Variants in BTBD9 observed in about 807,000 individuals in gnomAD.
BTBD9 encodes BTB/POZ domain-containing protein 9.
In BTBD9, 49 loss-of-function variants were observed where a neutral mutation model predicts 64.3. The observed-to-expected ratio is 0.76, with a 90% CI of 0.61 to 0.97. The LOEUF is 0.97. Among genes scored for constraint, BTBD9 ranks in the 50% least tolerant of loss-of-function variants. The pLI, the probability that BTBD9 is intolerant of heterozygous loss-of-function variation, is 0.00. For synonymous variants in BTBD9, 260 were observed against 274.7 expected, an observed-to-expected ratio of 0.95 and a Z score of 0.53; for missense variants, 598 against 762.1, an observed-to-expected ratio of 0.78 and a Z score of 2.53.
intron 1 of BTBD9, among the ~76,000 whole-genome samples, chr6:38,617,424 C>G (rs923098560): frequency 6.6e-6 from 1 of 152,192 alleles, no homozygotes; most frequent in Non-Finnish European, 1.5e-5. Context: ...CTTCTCAAAA[C>G]CACTCCCTGT....
chr6:38,576,143 G>T (rs1057279668), intron 6 of BTBD9, among the ~76,000 whole-genome samples: 1 of 152,056 alleles, frequency 6.6e-6, no homozygotes, highest in Non-Finnish European at 1.5e-5. Context: ...CATATCAGAC[G>T]CTTTGTTATG....
intron 4 of BTBD9, among the ~76,000 whole-genome samples, chr6:38,587,160 G>A (rs1377842697): frequency 6.6e-6 from 1 of 152,154 alleles, no homozygotes; most frequent in Non-Finnish European, 1.5e-5. Context: ...CAGTGGCCAT[G>A]GAGGGCAACC....
chr6:38,455,214 C>A (rs1402451289), intron 6 of BTBD9, among the ~76,000 whole-genome samples: 1 of 152,180 alleles, frequency 6.6e-6, no homozygotes, highest in African/African-American at 2.4e-5. Context: ...CATGTACTTA[C>A]CACCACAACA....
At chr6:38,197,302 G>A (rs1044705827) in intron 9 of BTBD9, among the ~76,000 whole-genome samples, 14 of 152,232 alleles carry the variant, frequency 9.2e-5, no homozygotes, top group African/African-American at 3.4e-4. Flanking sequence ...TCCTAGAGCT[G>A]TCAGGATAGA....
intron 8 of BTBD9, among the ~76,000 whole-genome samples, chr6:38,284,700 T>C (rs1036040241): frequency 6.6e-6 from 1 of 152,156 alleles, no homozygotes; most frequent in African/African-American, 2.4e-5. Context: ...ATAATACAAA[T>C]GCTCTGATAG....
intron 9 of BTBD9, among the ~76,000 whole-genome samples, chr6:38,251,891 C>CA (rs534067503): frequency 0.021 from 1,539 of 72,994 alleles, 19 homozygotes; most frequent in East Asian, 0.079. Flanking sequence ...GACTCTGTCT[C>CA]AAAAAAAAAA....
At chr6:38,530,848 G>A (rs1037307082) in intron 6 of BTBD9, among the ~76,000 whole-genome samples, 1 of 152,140 alleles carries the variant, frequency 6.6e-6, no homozygotes, top group African/African-American at 2.4e-5. Flanking sequence ...ACTGAAGAAT[G>A]CATCAGAGTC....
chr6:38,254,228 C>T (rs139211014), intron 9 of BTBD9, among the ~76,000 whole-genome samples: 2 of 151,806 alleles, frequency 1.3e-5, no homozygotes, highest in African/African-American at 2.4e-5. Flanking sequence ...AACACACACA[C>T]TGACTGTCCC....
intron 7 of BTBD9, among the ~76,000 whole-genome samples, chr6:38,307,082 T>C (rs1762652877): frequency 6.6e-6 from 1 of 152,208 alleles, no homozygotes. Flanking sequence ...CACAGACCTA[T>C]CACTTCTTTT....
At position 38,366,892 on chromosome 6, in the gene BTBD9, G is replaced by A. The variant is rs529064673; in HGVS notation, c.1155-21799C>T. Among the ~76,000 whole-genome samples, 18 of 152,254 alleles carry A rather than the reference G, an allele frequency of 1.2e-4. No individual in the cohort carries two copies. In the East Asian group the frequency reaches 1.7e-3, roughly 15 times the overall value. On this transcript the variant is annotated intron_variant, in intron 6 of 10. Transcript: ENST00000481247. ...GTTGCTATTGCAATTTCGCTGCATC[G>A]GTCTTTGGTTAGGTAAGGTAAGCAC...
rs1764621436 is a variant in BTBD9, at chr6:38,353,956, T to C, written c.1155-8863A>G. ...GACTAGGGTGGGCATATGCCGTTAA[T>C]TGTAACTTAAAAGTTTAAGGTTTGG... is the stretch of plus-strand genomic sequence containing the variant. On this transcript the variant is annotated intron_variant, in intron 6 of 10. Transcript: ENST00000481247. 2.0e-5 allele frequency among the ~76,000 whole-genome samples: 3 copies of C among 152,346 alleles called. No homozygotes were observed. The South Asian group carries it at 6.2e-4, about 32-fold the overall frequency.
chr6:38,419,967 G>A (rs1767832231), intron 6 of BTBD9, among the ~76,000 whole-genome samples: 1 of 151,946 alleles, frequency 6.6e-6, no homozygotes, highest in African/African-American at 2.4e-5. Flanking sequence ...GTAACAACAA[G>A]GGAATATAAA....
chr6:38,565,117 A>C (rs9366969), intron 6 of BTBD9, among the ~76,000 whole-genome samples: 9,873 of 152,126 alleles, frequency 0.065, 779 homozygotes, highest in East Asian at 0.24. Flanking sequence ...TCAATCATAA[A>C]GTTTGACTGG....
intron 10 of BTBD9, chr6:38,179,736 C>T (rs1437745954): frequency 2.8e-5 from 13 of 456,648 alleles, no homozygotes; most frequent in Non-Finnish European, 5.3e-5. Flanking sequence ...ATCAACATAC[C>T]TGCCTCACAC....
intron 10 of BTBD9, 119 bp downstream of exon 10, chr6:38,192,400 A>G: frequency 1.2e-6 from 1 of 865,678 alleles, no homozygotes; most frequent in South Asian, 1.6e-5. Context: ...CTCCACACCA[A>G]GCTGTCTGAA....
chr6:38,450,274 G>A (rs989136430), intron 6 of BTBD9, among the ~76,000 whole-genome samples: 2 of 152,202 alleles, frequency 1.3e-5, no homozygotes, highest in Non-Finnish European at 2.9e-5. Flanking sequence ...TAGCAGGGAG[G>A]AGAAGATGGG....
chr6:38,316,420 G>A (rs537609095), intron 7 of BTBD9, among the ~76,000 whole-genome samples: 1 of 152,110 alleles, frequency 6.6e-6, no homozygotes, highest in East Asian at 1.9e-4. Flanking sequence ...TTTTTCTGGT[G>A]CTATGTTTTA....
intron 6 of BTBD9, among the ~76,000 whole-genome samples, chr6:38,387,642 T>C (rs1236618003): frequency 1.3e-5 from 2 of 152,206 alleles, no homozygotes; most frequent in Non-Finnish European, 2.9e-5. Flanking sequence ...AGTTGGTATC[T>C]AGTCAGTATG....
In BTBD9 at chr6:38,633,941, C is replaced by T. The variant is rs79122194; in HGVS notation, c.-28+5859G>A. 3.7e-3 allele frequency among the ~76,000 whole-genome samples: 568 copies of T among 152,276 alleles called. 2 individuals carry two copies. Among genetic ancestry groups the T allele is most frequent in the African/African-American group, 0.013 (544 of 41,548 alleles). ...TCTTAAGATTATAAAAGTCAGGCTC[C>T]TTCACCCTGACAATATGCATACATG... On this transcript the variant is annotated intron_variant, in intron 1 of 10. Coordinates refer to ENST00000481247, the MANE Select transcript of BTBD9 (RefSeq NM_001099272.2).
Sources: gnomAD v4.1 joint callset for allele counts (sites outside exome capture counted in the v4.1 genomes callset) on GRCh38, gnomAD v4.1.1 for gene constraint, MANE v1.5 for transcripts, NCBI Gene and HGNC (gene_info 2026-07-23, HGNC 2026-07-21) for gene names.